Variants in CYTIP observed in about 807,000 individuals in gnomAD.
The protein encoded by CYTIP is cytohesin-interacting protein.
Under a neutral mutation model 43.8 loss-of-function variants are expected in CYTIP, and 26 were observed. That is an observed-to-expected ratio of 0.59 (90% CI 0.44 to 0.82). The LOEUF (loss-of-function observed/expected upper bound fraction) is 0.82. Ranked by LOEUF, CYTIP falls within the 40% of genes least tolerant of loss-of-function variation. The pLI is 0.00. For synonymous variants in CYTIP, 162 were observed against 162.9 expected (o/e 0.99, Z 0.04); for missense variants, 426 against 443.1 (o/e 0.96, Z 0.35).
At chr2:157,428,372 A>T (rs1685646929) in intron 5 of CYTIP, among the ~76,000 whole-genome samples, 1 of 152,230 alleles carries the variant, frequency 6.6e-6, no homozygotes, top group South Asian at 2.1e-4. Flanking sequence ...TTCTAATAGC[A>T]TCATGCCAGG....
chr2:157,444,066 C>G lies in CYTIP; in HGVS notation c.-46G>C. ...GCTAGCACATGGTTGAGTGGCCTTG[C>G]AGGATGGGGGAAGCTAAAAGTACAA... On this transcript the variant is annotated 5_prime_UTR_variant, in exon 1 of 8. Transcript: ENST00000264192. 1 of 1,584,782 alleles carries G rather than the reference C, an allele frequency of 6.3e-7. No individual in the cohort carries two copies. Among genetic ancestry groups the G allele is most frequent in the East Asian group, 2.2e-5 (1 of 44,584 alleles).
intron 6 of CYTIP, among the ~76,000 whole-genome samples, chr2:157,419,346 C>T (rs1685485002): frequency 6.6e-6 from 1 of 152,168 alleles, no homozygotes; most frequent in Admixed American, 6.5e-5. Flanking sequence ...ATCTGAAATG[C>T]TTCCTTAGCG....
At chr2:157,436,014 G>A (rs1685803456) in intron 1 of CYTIP, among the ~76,000 whole-genome samples, 1 of 152,162 alleles carries the variant, frequency 6.6e-6, no homozygotes, top group Non-Finnish European at 1.5e-5. Flanking sequence ...TAAGAATTCA[G>A]CCACCAGTCC....
At chr2:157,419,081 C>T (rs1333657021) in intron 6 of CYTIP, among the ~76,000 whole-genome samples, 2 of 152,150 alleles carry the variant, frequency 1.3e-5, no homozygotes, top group African/African-American at 2.4e-5. Context: ...GCCCAAAGAC[C>T]TCCACCTCCC....
At chr2:157,420,996 T>C (rs1685514331) in intron 6 of CYTIP, among the ~76,000 whole-genome samples, 1 of 152,222 alleles carries the variant, frequency 6.6e-6, no homozygotes, top group Admixed American at 6.5e-5. Flanking sequence ...GGTTTTGCAA[T>C]ATCTGATTTG....
chr2:157,420,077 T>C (rs1685495736), intron 6 of CYTIP, among the ~76,000 whole-genome samples: 1 of 152,260 alleles, frequency 6.6e-6, no homozygotes, highest in Admixed American at 6.5e-5. Context: ...GGCTTACGCC[T>C]GTAATCTCAG....
chr2:157,416,057 G>C lies in CYTIP; in HGVS notation c.700C>G (p.Leu234Val). 6.2e-7 allele frequency: 1 copy of C among 1,614,192 alleles called. No individual in the cohort carries two copies. Among genetic ancestry groups the C allele is most frequent in the Non-Finnish European group, 8.5e-7 (1 of 1,180,040 alleles). The change falls in exon 8 of 8, where the codon CTT becomes GTT. Residue 234 changes from leucine to valine, a missense_variant. Leu to Val is a conservative substitution (Grantham distance 32, BLOSUM62 1). Coordinates refer to ENST00000264192, the MANE Select transcript of CYTIP (RefSeq NM_004288.5). ...FGPLPGPGPALVDRNRLSSES... is the reference protein window; with the variant it reads ...FGPLPGPGPAVVDRNRLSSES... The stretch of plus-strand genomic sequence containing the variant: ...CTGGATAATCGATTCCGGTCCACAA[G>C]GGCTGGGCCTGGCCCAGGCAGGGGT...
chr2:157,422,834 TAAG>T (rs1685543801), intron 6 of CYTIP, among the ~76,000 whole-genome samples: 1 of 151,666 alleles, frequency 6.6e-6, no homozygotes, highest in African/African-American at 2.4e-5. Flanking sequence ...TACAAGATAA[TAAG>T]AAAGTAATTT....
At chr2:157,424,539 A>G (rs946965738) in intron 6 of CYTIP, among the ~76,000 whole-genome samples, 2 of 152,136 alleles carry the variant, frequency 1.3e-5, no homozygotes, top group Admixed American at 6.5e-5. Flanking sequence ...ATAATGTGCA[A>G]TCAGAGCCAG....
chr2:157,435,263 A>C (rs1012096759), intron 1 of CYTIP, among the ~76,000 whole-genome samples: 1 of 152,194 alleles, frequency 6.6e-6, no homozygotes, highest in Non-Finnish European at 1.5e-5. Context: ...TGATGAAATG[A>C]CAGTGTTTAC....
At chr2:157,440,175 C>T (rs1326072241) in intron 1 of CYTIP, among the ~76,000 whole-genome samples, 1 of 152,188 alleles carries the variant, frequency 6.6e-6, no homozygotes, top group East Asian at 1.9e-4. Context: ...GCTCTGCTCC[C>T]TTTCCAGTCC....
rs1426538848 is a variant in CYTIP, at chr2:157,414,691, C to T, written c.*986G>A. ...GAATATAGGTTATGAATAGCTGTGC[C>T]ACCAGAACAGAGAATTCATAGACTT... On this transcript the variant is annotated 3_prime_UTR_variant, in exon 8 of 8. Coordinates refer to ENST00000264192, the MANE Select transcript of CYTIP (RefSeq NM_004288.5). 1 of 151,864 alleles carries T rather than the reference C, an allele frequency of 6.6e-6. No homozygotes were observed. Among genetic ancestry groups the T allele is most frequent in the East Asian group, 1.9e-4 (1 of 5,190 alleles). 9.4% of individuals were successfully genotyped at this position (151,864 alleles called of 1,614,324 possible).
intron 6 of CYTIP, among the ~76,000 whole-genome samples, chr2:157,422,784 T>C (rs1347824740): frequency 6.6e-6 from 1 of 151,578 alleles, no homozygotes; most frequent in Non-Finnish European, 1.5e-5. Context: ...ACAAGAAATT[T>C]GAAATGACAA....
chr2:157,418,492 G>A (rs1291398146), intron 7 of CYTIP, 31 bp downstream of exon 7: 1 of 1,552,954 alleles, frequency 6.4e-7, no homozygotes, highest in Non-Finnish European at 8.7e-7. Context: ...AGTAATGTTA[G>A]TGTGGTTTCT....
intron 1 of CYTIP, 146 bp from the exon 2 acceptor site, chr2:157,434,893 ACACAC>A (rs1287518213): frequency 2.5e-6 from 1 of 406,960 alleles, no homozygotes; most frequent in African/African-American, 2.2e-5. Flanking sequence ...ACACACACAC[ACACAC>A]AACCTGTTCT....
intron 6 of CYTIP, among the ~76,000 whole-genome samples, chr2:157,422,197 C>A (rs1685531916): frequency 6.6e-6 from 1 of 152,128 alleles, no homozygotes; most frequent in African/African-American, 2.4e-5. Context: ...GGATTGATAG[C>A]CTTGAAGTGC....
intron 1 of CYTIP, chr2:157,438,937 A>G (rs1448472370): frequency 7.0e-6 from 3 of 426,788 alleles, no homozygotes; most frequent in Non-Finnish European, 1.5e-5. Flanking sequence ...GATTTCATCC[A>G]ATCGGTCTTT....
chr2:157,440,185 C>T (rs767688962), intron 1 of CYTIP, among the ~76,000 whole-genome samples: 8 of 152,080 alleles, frequency 5.3e-5, no homozygotes, highest in Admixed American at 2.6e-4. Flanking sequence ...CTTTCCAGTC[C>T]CCTGCCTCAC....
intron 1 of CYTIP, among the ~76,000 whole-genome samples, chr2:157,436,935 A>C: frequency 6.6e-6 from 1 of 152,178 alleles, no homozygotes; most frequent in East Asian, 1.9e-4. Context: ...AAAATACATA[A>C]AGTAAAATTT....
Sources: gnomAD v4.1 joint callset for allele counts (sites outside exome capture counted in the v4.1 genomes callset) on GRCh38, gnomAD v4.1.1 for gene constraint, MANE v1.5 for transcripts, NCBI Gene and HGNC (gene_info 2026-07-23, HGNC 2026-07-21) for gene names.